The following BRD10 variants were observed in gnomAD, a reference collection of about 807,000 sequenced individuals.
BRD10 encodes uncharacterized bromodomain-containing protein 10.
chr9:5,921,385 T>C, the BRD10 span: 1 of 1,613,850 alleles, frequency 6.2e-7, no homozygotes, highest in African/African-American at 1.3e-5. Flanking sequence ...TAACATATGC[T>C]TTATGCAATG....
the BRD10 span, among the ~76,000 whole-genome samples, chr9:5,900,657 C>T: frequency 2.6e-5 from 4 of 152,110 alleles, no homozygotes; most frequent in African/African-American, 9.7e-5. Flanking sequence ...TTCCATTTGT[C>T]CACAGAGAGG....
At chr9:5,911,542 C>CTTTTCT in the BRD10 span, among the ~76,000 whole-genome samples, 1 of 132,958 alleles carries the variant, frequency 7.5e-6, no homozygotes, top group Admixed American at 7.6e-5. Context: ...CTTTTCTTTT[C>CTTTTCT]TTTTTTTTTT....
At chr9:5,998,246 G>A in the BRD10 span, among the ~76,000 whole-genome samples, 1 of 151,922 alleles carries the variant, frequency 6.6e-6, no homozygotes, top group Non-Finnish European at 1.5e-5. Context: ...GAAAGAGGGA[G>A]ATTTTCTCTT....
At chr9:5,918,879 G>C in the BRD10 span, 1 of 150,988 alleles carries the variant, frequency 6.6e-6, no homozygotes, top group Non-Finnish European at 1.5e-5. Flanking sequence ...GTATTTGTAA[G>C]CTGGAAAGCC....
chr9:5,998,845 G>C, the BRD10 span, among the ~76,000 whole-genome samples: 2 of 151,954 alleles, frequency 1.3e-5, no homozygotes, highest in Non-Finnish European at 2.9e-5. Flanking sequence ...TAGCGTACTA[G>C]AATTGTACGA....
the BRD10 span, among the ~76,000 whole-genome samples, chr9:5,916,747 T>A: frequency 6.6e-6 from 1 of 152,124 alleles, no homozygotes; most frequent in Non-Finnish European, 1.5e-5. Flanking sequence ...GATATCCAAA[T>A]GGCTTAATTC....
At chr9:5,963,715 C>A in the BRD10 span, among the ~76,000 whole-genome samples, 10 of 152,142 alleles carry the variant, frequency 6.6e-5, no homozygotes, top group African/African-American at 2.2e-4. Context: ...AGATATAGAT[C>A]CATGGAACAG....
chr9:5,962,213 T>G, the BRD10 span, among the ~76,000 whole-genome samples: 1 of 151,094 alleles, frequency 6.6e-6, no homozygotes, highest in Non-Finnish European at 1.5e-5. Context: ...CAATAAAAAA[T>G]GATAAAGGGG....
At chr9:5,880,046 A>C in the BRD10 span, among the ~76,000 whole-genome samples, 96,616 of 151,656 alleles carry the variant, frequency 0.64, 32,177 homozygotes, top group Non-Finnish European at 0.76. Flanking sequence ...CAACCTCCCA[A>C]GTAGCTGGGA....
the BRD10 span, chr9:5,988,325 A>G: frequency 2.7e-6 from 4 of 1,501,648 alleles, no homozygotes; most frequent in African/African-American, 2.7e-5. Context: ...GAAATTATGA[A>G]TTTTTTTCTT....
chr9:5,962,016 G>A, the BRD10 span, among the ~76,000 whole-genome samples: 2 of 151,968 alleles, frequency 1.3e-5, no homozygotes, highest in African/African-American at 4.8e-5. Context: ...CTTGCCTTCT[G>A]CTAGCTTTTG....
the BRD10 span, chr9:5,919,759 G>T: frequency 6.2e-7 from 1 of 1,613,596 alleles, no homozygotes; most frequent in Non-Finnish European, 8.5e-7. Flanking sequence ...GACTTCGACT[G>T]GCAGATACAA....
At chr9:5,985,580 G>T in the BRD10 span, among the ~76,000 whole-genome samples, 4 of 152,158 alleles carry the variant, frequency 2.6e-5, no homozygotes, top group Non-Finnish European at 4.4e-5. Flanking sequence ...GAGGTTGGGA[G>T]TTCAAGACCA....
the BRD10 span, among the ~76,000 whole-genome samples, chr9:5,883,041 G>C: frequency 6.6e-6 from 1 of 152,126 alleles, no homozygotes; most frequent in African/African-American, 2.4e-5. Flanking sequence ...GATAGCATTA[G>C]GAGATATACC....
chr9:5,956,756 T>G, the BRD10 span, among the ~76,000 whole-genome samples: 1 of 152,168 alleles, frequency 6.6e-6, no homozygotes, highest in Non-Finnish European at 1.5e-5. Flanking sequence ...CCACTCTACT[T>G]TGTACACAAA....
chr9:5,988,094 AGAAT>A, the BRD10 span, among the ~76,000 whole-genome samples: 4 of 152,230 alleles, frequency 2.6e-5, no homozygotes, highest in Non-Finnish European at 4.4e-5. Flanking sequence ...AATTCACTTG[AGAAT>A]GAATACTACT....
At chr9:5,985,798 T>A in the BRD10 span, among the ~76,000 whole-genome samples, 20 of 150,354 alleles carry the variant, frequency 1.3e-4, no homozygotes, top group African/African-American at 4.6e-4. Context: ...AAAAAATAAA[T>A]AAATAAATAA....
the BRD10 span, among the ~76,000 whole-genome samples, chr9:5,984,983 G>A: frequency 4.0e-5 from 6 of 150,772 alleles, no homozygotes; most frequent in Admixed American, 4.0e-4. Flanking sequence ...ACCCCATAAA[G>A]TTGGAAGACA....
At chr9:5,912,623 G>A in the BRD10 span, among the ~76,000 whole-genome samples, 2 of 152,204 alleles carry the variant, frequency 1.3e-5, no homozygotes, top group Middle Eastern at 3.2e-3. Flanking sequence ...TCAGGAAAGG[G>A]AGATCCTTGT....
Sources: gnomAD v4.1 joint callset for allele counts (sites outside exome capture counted in the v4.1 genomes callset) on GRCh38, gnomAD v4.1.1 for gene constraint, MANE v1.5 for transcripts, NCBI Gene and HGNC (gene_info 2026-07-23, HGNC 2026-07-21) for gene names.